The following NBEA variants were observed in gnomAD, a reference collection of about 807,000 sequenced individuals.
NBEA encodes the protein neurobeachin.
Under a neutral mutation model 343.4 loss-of-function variants are expected in NBEA, and 44 were observed. The ratio of observed to expected loss-of-function variants is 0.13; its 90% CI spans 0.10 to 0.16. The LOEUF (loss-of-function observed/expected upper bound fraction) is 0.16. Ranked by LOEUF, NBEA falls within the 10% of genes least tolerant of loss-of-function variation. The pLI, the probability that NBEA is intolerant of heterozygous loss-of-function variation, is 1.00. For synonymous variants in NBEA, 1,175 were observed against 1,238.7 expected (o/e 0.95, Z 1.08); for missense variants, 2,555 against 3,631.3 (o/e 0.70, Z 7.62).
intron 34 of NBEA, among the ~76,000 whole-genome samples, chr13:35,273,963 T>A (rs1046962037): frequency 6.6e-6 from 1 of 152,192 alleles, no homozygotes; most frequent in Non-Finnish European, 1.5e-5. Flanking sequence ...CCTTTCCTTC[T>A]GAAACTATTC....
At chr13:35,092,218 A>G (rs927442617) in intron 10 of NBEA, among the ~76,000 whole-genome samples, 8 of 152,014 alleles carry the variant, frequency 5.3e-5, no homozygotes, top group Non-Finnish European at 7.4e-5. Flanking sequence ...CACAATTTAT[A>G]TGAAACTTAA....
intron 10 of NBEA, among the ~76,000 whole-genome samples, chr13:35,091,458 A>G (rs1329457453): frequency 2.0e-5 from 3 of 152,016 alleles, no homozygotes; most frequent in African/African-American, 7.2e-5. Context: ...ACAATAAGGT[A>G]AGAAAATGAA....
In NBEA at chr13:35,498,174, T is replaced by C. The variant is rs1594810874; in HGVS notation, c.6585+25638T>C. ...TTATAAGGATATTTTACTGTTTATG[T>C]ATAGGTTAAATACTTCACTTGTAAT... is the stretch of plus-strand genomic sequence containing the variant. On this transcript the variant is annotated intron_variant, in intron 41 of 58. Coordinates refer to ENST00000379939, the MANE Select transcript of NBEA (RefSeq NM_001385012.1). 2.6e-5 allele frequency among the ~76,000 whole-genome samples: 4 copies of C among 152,182 alleles called. 1 individual carries two copies. The highest frequency in any genetic ancestry group is 2.6e-4 in the Admixed American group (4 of 15,258).
chr13:35,323,705 A>G (rs1170363841), intron 36 of NBEA, among the ~76,000 whole-genome samples: 8 of 151,966 alleles, frequency 5.3e-5, no homozygotes, highest in African/African-American at 9.7e-5. Context: ...CCTAAAACTT[A>G]AAGTATAATA....
rs2042931718 is a variant in NBEA at position 35,400,174 on chromosome 13, G to C, written c.6180-32095G>C. Reference sequence around the variant, plus strand: ...CACGGATAGATTTGCTAGATGCAGGGTTGCCACAACTCTTCAATTTGTAAA... The same window carrying C: ...CACGGATAGATTTGCTAGATGCAGGCTTGCCACAACTCTTCAATTTGTAAA... On this transcript the variant is annotated intron_variant, in intron 38 of 58. Coordinates refer to ENST00000379939, the MANE Select transcript of NBEA (RefSeq NM_001385012.1). Among the ~76,000 whole-genome samples the C allele has an allele frequency of 2.3e-5, 3 of 132,078 alleles. No individual in the cohort carries two copies. In the Admixed American group the frequency reaches 2.6e-4, roughly 12 times the overall value. 86.6% of individuals were successfully genotyped at this position (132,078 alleles called of 152,430 possible). A position where few individuals can be genotyped will look rare whatever the true frequency, so the allele number is the denominator to read the frequency against.
intron 41 of NBEA, among the ~76,000 whole-genome samples, chr13:35,516,203 C>A (rs1407068094): frequency 6.6e-6 from 1 of 152,168 alleles, no homozygotes; most frequent in Non-Finnish European, 1.5e-5. Flanking sequence ...GCCTACATTT[C>A]ATCCTTGTCT....
intron 1 of NBEA, among the ~76,000 whole-genome samples, chr13:35,021,711 C>T (rs2061845998): frequency 6.6e-6 from 1 of 151,988 alleles, no homozygotes; most frequent in Non-Finnish European, 1.5e-5. Context: ...TAATATGCTA[C>T]TTCAAGTTTA....
At chr13:34,999,947 C>T (rs1254944032) in intron 1 of NBEA, among the ~76,000 whole-genome samples, 1 of 152,150 alleles carries the variant, frequency 6.6e-6, no homozygotes, top group East Asian at 1.9e-4. Context: ...TGATGCCCAT[C>T]ATCCGTCGGT....
At chr13:35,661,741 C>A (rs907164973) in intron 55 of NBEA, among the ~76,000 whole-genome samples, 1 of 152,126 alleles carries the variant, frequency 6.6e-6, no homozygotes, top group Non-Finnish European at 1.5e-5. Flanking sequence ...AATGAAACTA[C>A]CATACCCTTT....
intron 17 of NBEA, among the ~76,000 whole-genome samples, chr13:35,124,230 A>G (rs932194587): frequency 3.3e-5 from 5 of 149,906 alleles, no homozygotes; most frequent in African/African-American, 1.2e-4. Flanking sequence ...TGAGGTTCCT[A>G]TCAGAACCTC....
chr13:35,316,338 A>G (rs963289888), intron 36 of NBEA, among the ~76,000 whole-genome samples: 1 of 151,598 alleles, frequency 6.6e-6, no homozygotes, highest in Non-Finnish European at 1.5e-5. Context: ...CCTCCCACTT[A>G]TGAGTGAGAA....
chr13:35,333,428 T>G (rs2039052433), intron 36 of NBEA, among the ~76,000 whole-genome samples: 1 of 152,132 alleles, frequency 6.6e-6, no homozygotes, highest in Non-Finnish European at 1.5e-5. Context: ...ACATGGTAGA[T>G]GTATATATTT....
At chr13:35,256,931 G>A (rs1387368034) in intron 34 of NBEA, among the ~76,000 whole-genome samples, 5 of 152,160 alleles carry the variant, frequency 3.3e-5, no homozygotes, top group Admixed American at 1.3e-4. Context: ...AGTTGCACCC[G>A]GGAGCCTGGG....
At chr13:35,293,067 A>G (rs1177150477) in intron 35 of NBEA, among the ~76,000 whole-genome samples, 1 of 151,936 alleles carries the variant, frequency 6.6e-6, no homozygotes, top group African/African-American at 2.4e-5. Context: ...TAAGGATATT[A>G]GCTTTTCTTT....
chr13:35,351,994 T>G (rs2040223915), intron 37 of NBEA, among the ~76,000 whole-genome samples, 163 bp from the exon 38 acceptor site: 1 of 152,096 alleles, frequency 6.6e-6, no homozygotes, highest in Non-Finnish European at 1.5e-5. Context: ...TTTTTATATT[T>G]GAAAGGTGAC....
chr13:35,527,434 C>T (rs73499819), intron 41 of NBEA, among the ~76,000 whole-genome samples: 3,034 of 152,252 alleles, frequency 0.02, 100 homozygotes, highest in African/African-American at 0.067. Context: ...ATCAGCATGC[C>T]ATCCACAGCA....
intron 41 of NBEA, among the ~76,000 whole-genome samples, chr13:35,529,022 A>T (rs1478162001): frequency 3.9e-5 from 6 of 152,166 alleles, no homozygotes; most frequent in Admixed American, 3.9e-4. Flanking sequence ...GGATTCCTTT[A>T]TGTGAAATAA....
At chr13:35,541,702 G>T (rs1239205522) in intron 41 of NBEA, among the ~76,000 whole-genome samples, 1 of 150,610 alleles carries the variant, frequency 6.6e-6, no homozygotes, top group African/African-American at 2.4e-5. Flanking sequence ...CATCAACAAA[G>T]ATTAGAACCA....
intron 24 of NBEA, among the ~76,000 whole-genome samples, chr13:35,167,440 A>G (rs942828753): frequency 6.6e-6 from 1 of 151,246 alleles, no homozygotes; most frequent in Admixed American, 6.6e-5. Flanking sequence ...GAAACTTAAG[A>G]AAAAAAGAAC....
Sources: gnomAD v4.1 joint callset for allele counts (sites outside exome capture counted in the v4.1 genomes callset) on GRCh38, gnomAD v4.1.1 for gene constraint, MANE v1.5 for transcripts, NCBI Gene and HGNC (gene_info 2026-07-23, HGNC 2026-07-21) for gene names.